The following RIPK2 variants were observed in gnomAD, a reference collection of about 807,000 sequenced individuals.
RIPK2 encodes receptor-interacting serine/threonine-protein kinase 2.
In RIPK2, 38 loss-of-function variants were observed where a neutral mutation model predicts 60.9. The observed-to-expected ratio is 0.62, with a 90% CI of 0.48 to 0.82. RIPK2 has a LOEUF of 0.82. RIPK2 is among the 40% of genes least tolerant of loss of function. RIPK2 has a pLI of 0.00. For missense variants in RIPK2, 518 were observed against 647.0 expected (o/e 0.80, Z 2.16); for synonymous variants, 225 against 223.4 (o/e 1.01, Z -0.06).
At chr8:89,787,775 T>C (rs1240941034) in intron 9 of RIPK2, among the ~76,000 whole-genome samples, 4 of 152,144 alleles carry the variant, frequency 2.6e-5, no homozygotes, top group African/African-American at 9.7e-5. Context: ...GGAGATTCAT[T>C]CTGGCTGGAA....
intron 10 of RIPK2, 46 bp from the exon 11 acceptor site, chr8:89,790,033 T>C (rs1809650417): frequency 1.5e-6 from 2 of 1,353,328 alleles, no homozygotes; most frequent in Non-Finnish European, 2.1e-6. Context: ...TATTGCTATG[T>C]ATCTGTCCTC....
At chr8:89,781,400 T>C (rs538287184) in intron 7 of RIPK2, among the ~76,000 whole-genome samples, 1 of 147,836 alleles carries the variant, frequency 6.8e-6, no homozygotes, top group South Asian at 2.1e-4. Flanking sequence ...AGGGTCTCCC[T>C]CTGTCGCCCA....
chr8:89,788,950 G>A (rs1230586969), intron 9 of RIPK2, among the ~76,000 whole-genome samples: 2 of 152,194 alleles, frequency 1.3e-5, no homozygotes, highest in African/African-American at 4.8e-5. Flanking sequence ...CTGAGGCTCA[G>A]TGGGATTGCC....
intron 6 of RIPK2, among the ~76,000 whole-genome samples, chr8:89,775,726 C>T (rs1809386497): frequency 6.6e-6 from 1 of 152,060 alleles, no homozygotes; most frequent in South Asian, 2.1e-4. Flanking sequence ...GTTTGTAGAT[C>T]TGGTTATAGA....
In RIPK2 at chr8:89,790,551, A is replaced by G. The variant is rs1197400546; in HGVS notation, c.*135A>G. On this transcript the variant is annotated 3_prime_UTR_variant, in exon 11 of 11. Transcript: ENST00000220751. Reference sequence around the variant, plus strand: ...TTTGGGTAAATATTAGTCTCCCTCCATGACACTGCAGTATTTTTTTTAATT... The same window carrying G: ...TTTGGGTAAATATTAGTCTCCCTCCGTGACACTGCAGTATTTTTTTTAATT... 1.7e-6 allele frequency: 1 copy of G among 599,338 alleles called. No individual in the cohort carries two copies. The highest frequency in any genetic ancestry group is 1.9e-5 in the African/African-American group (1 of 53,894). 37.1% of individuals were successfully genotyped at this position (599,338 alleles called of 1,614,324 possible).
rs753663277 is a variant in RIPK2, at chr8:89,771,710, T to C, written c.642-31T>C. On this transcript the variant is annotated intron_variant, in intron 4 of 10. Coordinates refer to ENST00000220751, the MANE Select transcript of RIPK2 (RefSeq NM_003821.6). ...TTTATTATGCAGAGTTCATTTAAAA[T>C]ATGTAACATGTATGTTCTTATGTTA... The C allele has an allele frequency of 8.1e-6, 12 of 1,485,324 alleles. No homozygotes were observed. The African/African-American group carries it at 1.5e-4, about 19-fold the overall frequency. 92.0% of individuals were successfully genotyped at this position (1,485,324 alleles called of 1,614,324 possible).
chr8:89,763,657 A>G (rs1423200611), intron 2 of RIPK2, among the ~76,000 whole-genome samples: 2 of 152,140 alleles, frequency 1.3e-5, no homozygotes, highest in African/African-American at 2.4e-5. Context: ...GTATTAATCT[A>G]CAAAATCCAA....
At chr8:89,773,273 A>G (rs1809343491) in intron 6 of RIPK2, among the ~76,000 whole-genome samples, 2 of 152,174 alleles carry the variant, frequency 1.3e-5, no homozygotes. Flanking sequence ...GAGGGAAACA[A>G]AGGCCTTTTT....
chr8:89,783,428 C>A (rs1388975983), intron 7 of RIPK2, among the ~76,000 whole-genome samples: 1 of 152,064 alleles, frequency 6.6e-6, no homozygotes, highest in African/African-American at 2.4e-5. Flanking sequence ...TCACAGTAAT[C>A]CTTCAAAATA....
At chr8:89,788,838 G>GGAAGGAAGGAAA (rs1315668101) in intron 9 of RIPK2, among the ~76,000 whole-genome samples, 2 of 151,716 alleles carry the variant, frequency 1.3e-5, no homozygotes, top group Non-Finnish European at 2.9e-5. Context: ...GAGGGAGGAA[G>GGAAGGAAGGAAA]GAAGGAAGGA....
intron 9 of RIPK2, among the ~76,000 whole-genome samples, chr8:89,786,892 G>A (rs61258433): frequency 0.059 from 8,931 of 151,806 alleles, 803 homozygotes; most frequent in African/African-American, 0.19. Context: ...TTGGCCAGGC[G>A]CAGTGGTTCA....
Position 89,790,877 on chromosome 8 carries a change from T to C in RIPK2, c.*461T>C, listed in dbSNP as rs2130596264. On this transcript the variant is annotated 3_prime_UTR_variant, in exon 11 of 11. Transcript: ENST00000220751. ...AAAGGGTTATTAATTTAAAACTCCA[T>C]TATTAGGATTACATTTTAAAGTTTT... 6.6e-6 allele frequency: 1 copy of C among 152,446 alleles called. No homozygotes were observed. Among genetic ancestry groups the C allele is most frequent in the Middle Eastern group, 3.4e-3 (1 of 294 alleles). 9.4% of individuals were successfully genotyped at this position (152,446 alleles called of 1,614,324 possible).
chr8:89,786,473 G>GAA, intron 8 of RIPK2, 120 bp from the exon 9 acceptor site: 35 of 547,830 alleles, frequency 6.4e-5, no homozygotes, highest in Non-Finnish European at 7.6e-5. Flanking sequence ...GACCCTGTCT[G>GAA]AAAAAAAAAA....
chr8:89,781,327 C>T (rs1809494888), intron 7 of RIPK2, among the ~76,000 whole-genome samples: 1 of 150,146 alleles, frequency 6.7e-6, no homozygotes, highest in African/African-American at 2.5e-5. Flanking sequence ...CAGAAAATAC[C>T]AATTTCTCTC....
intron 1 of RIPK2, among the ~76,000 whole-genome samples, chr8:89,761,527 A>G (rs1228056918): frequency 6.6e-6 from 1 of 152,020 alleles, no homozygotes; most frequent in East Asian, 1.9e-4. Flanking sequence ...TTCAAACTCT[A>G]CCACTTTCTA....
At chr8:89,779,948 G>A (rs566862137) in intron 6 of RIPK2, 127 bp from the exon 7 acceptor site, 18 of 590,722 alleles carry the variant, frequency 3.0e-5, no homozygotes, top group South Asian at 1.6e-4. Context: ...ATAAAAGCTC[G>A]TAAAACAGCT....
intron 6 of RIPK2, among the ~76,000 whole-genome samples, chr8:89,778,115 T>A (rs555357567): frequency 2.5e-4 from 37 of 150,022 alleles, no homozygotes; most frequent in African/African-American, 9.1e-4. Context: ...CAAGCAATAT[T>A]TTTCCTTTTT....
Position 89,790,071 on chromosome 8 carries a change from T to G in RIPK2, c.1286-8T>G. The G allele has an allele frequency of 1.3e-6, 2 of 1,595,746 alleles. No individual in the cohort carries two copies. Among genetic ancestry groups the G allele is most frequent in the Non-Finnish European group, 8.5e-7 (1 of 1,171,382 alleles). On this transcript the variant is annotated splice_polypyrimidine_tract_variant and splice_region_variant and intron_variant, in intron 10 of 10. Coordinates refer to ENST00000220751, the MANE Select transcript of RIPK2 (RefSeq NM_003821.6). ...CTTTTAAATTATTCATTCCTTGTTC[T>G]TTTTCAGAACGTCTGCAGCCTGGTA...
chr8:89,769,000 G>A lies in RIPK2; in HGVS notation c.484-772G>A, dbSNP rs78286253. On this transcript the variant is annotated intron_variant, in intron 3 of 10. Transcript: ENST00000220751. Reference sequence around the variant, plus strand: ...CCCTTGTCAATTAAATATTATTTCTGTTCTTACATTTTGTCTTACATTTTT... The same window carrying A: ...CCCTTGTCAATTAAATATTATTTCTATTCTTACATTTTGTCTTACATTTTT... Among the ~76,000 whole-genome samples the A allele has an allele frequency of 4.8e-3, 722 of 151,478 alleles. 6 individuals are homozygous for A. The highest frequency in any genetic ancestry group is 0.016 in the African/African-American group (682 of 41,384).
Sources: gnomAD v4.1 joint callset for allele counts (sites outside exome capture counted in the v4.1 genomes callset) on GRCh38, gnomAD v4.1.1 for gene constraint, MANE v1.5 for transcripts, NCBI Gene and HGNC (gene_info 2026-07-23, HGNC 2026-07-21) for gene names.